NOX4: variants seen among roughly 807,000 people sequenced by gnomAD.
NOX4 encodes kidney oxidase-1.
Under a neutral mutation model 87.6 loss-of-function variants are expected in NOX4, and 69 were observed. The observed-to-expected ratio is 0.79, with a 90% CI of 0.65 to 0.96. The LOEUF is 0.96. NOX4 is among the 40% of genes least tolerant of loss of function. The probability of loss-of-function intolerance (pLI) is 0.00; values close to 1 mark genes in which losing one functional copy is unlikely to be tolerated. For synonymous variants in NOX4, 275 were observed against 238.2 expected (o/e 1.15, Z -1.42); for missense variants, 680 against 681.5 (o/e 1.00, Z 0.02).
At chr11:89,510,639 A>C in the NOX4 span, among the ~76,000 whole-genome samples, 3 of 152,084 alleles carry the variant, frequency 2.0e-5, no homozygotes, top group Non-Finnish European at 4.4e-5. Flanking sequence ...AGACACCCAT[A>C]GTTTAAGAAA....
At chr11:89,440,377 T>C (rs1043652528) in intron 6 of NOX4, among the ~76,000 whole-genome samples, 1 of 152,150 alleles carries the variant, frequency 6.6e-6, no homozygotes, top group Non-Finnish European at 1.5e-5. Flanking sequence ...TGGAGTGCAG[T>C]GGCGCGATCT....
At chr11:89,550,185 G>A in the NOX4 span, among the ~76,000 whole-genome samples, 2 of 140,412 alleles carry the variant, frequency 1.4e-5, no homozygotes, top group African/African-American at 2.7e-5. Context: ...TTTAATGATA[G>A]CTAGTCTTTT....
At chr11:89,525,668 C>G in the NOX4 span, among the ~76,000 whole-genome samples, 1 of 151,822 alleles carries the variant, frequency 6.6e-6, no homozygotes, top group Non-Finnish European at 1.5e-5. Flanking sequence ...CATTTTGTAA[C>G]TTGTCTTTTT....
At chr11:89,581,967 A>T in the NOX4 span, among the ~76,000 whole-genome samples, 1 of 152,164 alleles carries the variant, frequency 6.6e-6, no homozygotes, top group Admixed American at 6.6e-5. Flanking sequence ...AGATATCCAA[A>T]ACTTATTCAT....
the NOX4 span, among the ~76,000 whole-genome samples, chr11:89,526,509 T>C: frequency 0.036 from 5,523 of 152,236 alleles, 145 homozygotes; most frequent in Non-Finnish European, 0.053. Flanking sequence ...CCAAATATCA[T>C]CTTGAATTGT....
chr11:89,475,801 G>A (rs577380399), intron 2 of NOX4, among the ~76,000 whole-genome samples: 2 of 151,898 alleles, frequency 1.3e-5, no homozygotes, highest in Admixed American at 6.6e-5. Context: ...CACTGGGAGG[G>A]CACAATGGAC....
chr11:89,560,039 C>T, the NOX4 span, among the ~76,000 whole-genome samples: 1 of 151,958 alleles, frequency 6.6e-6, no homozygotes, highest in Non-Finnish European at 1.5e-5. Context: ...CAGGTATAAT[C>T]GAGTTAAGAT....
At chr11:89,407,759 A>T (rs1047207648) in intron 8 of NOX4, among the ~76,000 whole-genome samples, 1 of 152,082 alleles carries the variant, frequency 6.6e-6, no homozygotes. Context: ...ATTTTATGGT[A>T]ATCAAAACAT....
At chr11:89,359,825 T>C (rs1369196534) in intron 12 of NOX4, among the ~76,000 whole-genome samples, 2 of 152,072 alleles carry the variant, frequency 1.3e-5, no homozygotes, top group African/African-American at 2.4e-5. Context: ...AAAGAAGTCA[T>C]ATAAAATATT....
chr11:89,535,777 TAACA>T, the NOX4 span, among the ~76,000 whole-genome samples: 1 of 152,308 alleles, frequency 6.6e-6, no homozygotes, highest in Admixed American at 6.5e-5. Flanking sequence ...TGAAATTAGA[TAACA>T]AATATAAAAA....
chr11:89,482,382 T>C (rs1242397775), intron 2 of NOX4, among the ~76,000 whole-genome samples: 1 of 152,108 alleles, frequency 6.6e-6, no homozygotes, highest in Middle Eastern at 3.2e-3. Context: ...TGTAACTATA[T>C]TTGGACACAA....
chr11:89,375,332 G>A (rs1939756018), intron 11 of NOX4, among the ~76,000 whole-genome samples: 1 of 151,968 alleles, frequency 6.6e-6, no homozygotes, highest in Non-Finnish European at 1.5e-5. Context: ...TGATAGTTGA[G>A]TCTTACTCTG....
intron 2 of NOX4, among the ~76,000 whole-genome samples, chr11:89,454,744 T>C (rs1042269173): frequency 6.6e-6 from 1 of 152,090 alleles, no homozygotes; most frequent in Admixed American, 6.5e-5. Flanking sequence ...AAGGTACAAC[T>C]AACAGGTTTA....
the NOX4 span, among the ~76,000 whole-genome samples, chr11:89,550,679 A>G: frequency 6.6e-6 from 1 of 151,942 alleles, no homozygotes; most frequent in African/African-American, 2.4e-5. Context: ...TTCTTTGTAG[A>G]CTGTGTATAT....
chr11:89,385,675 C>T (rs548711413), intron 11 of NOX4, among the ~76,000 whole-genome samples: 2 of 152,290 alleles, frequency 1.3e-5, no homozygotes, highest in African/African-American at 4.8e-5. Context: ...TTCCACTACT[C>T]CTCAGGGATT....
At chr11:89,566,580 A>T in the NOX4 span, among the ~76,000 whole-genome samples, 2 of 147,566 alleles carry the variant, frequency 1.4e-5, no homozygotes, top group Non-Finnish European at 2.9e-5. Context: ...AGACATATAC[A>T]TAAAAATACA....
intron 2 of NOX4, among the ~76,000 whole-genome samples, chr11:89,485,985 G>A (rs1278134493): frequency 2.6e-5 from 4 of 151,900 alleles, no homozygotes; most frequent in Admixed American, 2.0e-4. Context: ...ACCAGTCTGG[G>A]GAAGGATAAT....
upstream of NOX4, among the ~76,000 whole-genome samples, chr11:89,502,824 G>A (rs575361757): frequency 6.6e-6 from 1 of 152,104 alleles, no homozygotes; most frequent in Non-Finnish European, 1.5e-5. Context: ...ACTTTGTAAT[G>A]AATCCATATT....
rs370107852 is a variant in NOX4 at position 89,440,700 on chromosome 11, G to T, written c.463C>A (p.Leu155Ile). 7.1e-6 allele frequency: 11 copies of T among 1,544,046 alleles called. No homozygotes were observed. Among genetic ancestry groups the T allele is most frequent in the Non-Finnish European group, 9.7e-6 (11 of 1,131,716 alleles). ...AATAACAACTTACCAGTTGTGAAGA[G>T]AAGTTTTCTAGGATCCTGAGAAAAA... ...RYRDEDPRKLLFTTVPGLTGV... is the reference protein window; with the variant it reads ...RYRDEDPRKLIFTTVPGLTGV... The change falls in exon 6 of 18, where the codon CTC (leucine) becomes ATC (isoleucine). Residue 155 changes from leucine to isoleucine, a missense_variant. By Grantham distance (5) the Leu-to-Ile change is conservative. Coordinates refer to ENST00000263317, the MANE Select transcript of NOX4 (RefSeq NM_016931.5).
Sources: gnomAD v4.1 joint callset for allele counts (sites outside exome capture counted in the v4.1 genomes callset) on GRCh38, gnomAD v4.1.1 for gene constraint, MANE v1.5 for transcripts, NCBI Gene and HGNC (gene_info 2026-07-23, HGNC 2026-07-21) for gene names.